The following ZNF277 variants were observed in gnomAD, a reference collection of about 807,000 sequenced individuals.
ZNF277 encodes the protein zinc finger protein 277.
Under a neutral mutation model 60.7 loss-of-function variants are expected in ZNF277, and 55 were observed. That is an observed-to-expected ratio of 0.91 (90% CI 0.73 to 1.13). The LOEUF is 1.13. Among genes scored for constraint, ZNF277 ranks in the 50% most tolerant of loss-of-function variants. The pLI is 0.00. For missense variants in ZNF277, 510 were observed against 523.0 expected, an observed-to-expected ratio of 0.98 and a Z score of 0.24; for synonymous variants, 178 against 179.3, an observed-to-expected ratio of 0.99 and a Z score of 0.06.
At chr7:112,262,185 A>G (rs1044182805) in intron 1 of ZNF277, among the ~76,000 whole-genome samples, 2 of 150,686 alleles carry the variant, frequency 1.3e-5, no homozygotes, top group Non-Finnish European at 3.0e-5. Flanking sequence ...CGCAGCCTCA[A>G]TAGATTTCGT....
intron 4 of ZNF277, among the ~76,000 whole-genome samples, chr7:112,317,681 AG>A (rs921052955): frequency 2.0e-5 from 3 of 152,132 alleles, no homozygotes; most frequent in African/African-American, 7.2e-5. Flanking sequence ...ATGTTAGAAA[AG>A]GGATTGAAAT....
chr7:112,243,581 A>G (rs1344600089), intron 1 of ZNF277, among the ~76,000 whole-genome samples: 2 of 151,926 alleles, frequency 1.3e-5, no homozygotes, highest in Non-Finnish European at 2.9e-5. Context: ...GAAAAAAAAA[A>G]TGTTCTCTAA....
intron 4 of ZNF277, among the ~76,000 whole-genome samples, chr7:112,306,374 C>A (rs1792592194): frequency 1.3e-5 from 2 of 151,918 alleles, no homozygotes; most frequent in African/African-American, 2.4e-5. Flanking sequence ...ACCACCATGC[C>A]CAGCTGCTTT....
chr7:112,253,889 A>G (rs2117013342), intron 1 of ZNF277, among the ~76,000 whole-genome samples: 1 of 152,276 alleles, frequency 6.6e-6, no homozygotes, highest in South Asian at 2.1e-4. Context: ...GAAATGCTAA[A>G]GTTCTTTTAT....
At chr7:112,218,008 C>A (rs925322885) in intron 1 of ZNF277, among the ~76,000 whole-genome samples, 3 of 152,066 alleles carry the variant, frequency 2.0e-5, no homozygotes, top group Non-Finnish European at 4.4e-5. Context: ...TTTCTGATTC[C>A]CTATCCACCA....
At chr7:112,258,903 A>G (rs1791383046) in intron 1 of ZNF277, among the ~76,000 whole-genome samples, 1 of 148,664 alleles carries the variant, frequency 6.7e-6, no homozygotes, top group South Asian at 2.1e-4. Context: ...AAAACAAAAC[A>G]TATCTTCATA....
chr7:112,313,617 G>A (rs1470922007), intron 4 of ZNF277, among the ~76,000 whole-genome samples: 2 of 152,002 alleles, frequency 1.3e-5, no homozygotes, highest in African/African-American at 4.8e-5. Context: ...AAAATTGTCT[G>A]TTGTAAGTTT....
rs77914325 is a variant in ZNF277 at position 112,231,435 on chromosome 7, A to G, written c.91+24628A>G. Among the ~76,000 whole-genome samples, 7 of 152,246 alleles carry G rather than the reference A, an allele frequency of 4.6e-5. No individual in the cohort carries two copies. The East Asian group carries it at 1.4e-3, about 29-fold the overall frequency. ...CTGTGCAACTGATAAATCCAAGGTC[A>G]CCCTTATCAAAATTTTGGAGATACT... is the stretch of plus-strand genomic sequence containing the variant. On this transcript the variant is annotated intron_variant, in intron 1 of 11. Transcript: ENST00000361822.
intron 1 of ZNF277, among the ~76,000 whole-genome samples, chr7:112,210,723 C>T (rs1374732674): frequency 2.6e-5 from 4 of 152,104 alleles, no homozygotes; most frequent in Admixed American, 6.5e-5. Context: ...CCACCCTCCT[C>T]GGCCTCCCAA....
chr7:112,332,983 AAC>A (rs934323898), intron 7 of ZNF277, among the ~76,000 whole-genome samples: 3 of 152,174 alleles, frequency 2.0e-5, no homozygotes, highest in African/African-American at 7.2e-5. Context: ...CCCAAATACT[AAC>A]AGAGTATAGG....
chr7:112,246,371 C>T (rs1286632519), intron 1 of ZNF277, among the ~76,000 whole-genome samples: 1 of 152,002 alleles, frequency 6.6e-6, no homozygotes, highest in Non-Finnish European at 1.5e-5. Context: ...TCCAGCCTCG[C>T]GACAGAGCAA....
chr7:112,248,804 A>G (rs1325314188), intron 1 of ZNF277, among the ~76,000 whole-genome samples: 1 of 152,056 alleles, frequency 6.6e-6, no homozygotes, highest in Non-Finnish European at 1.5e-5. Flanking sequence ...GATAGTCATC[A>G]TTTTTGGTGA....
rs1791795636 is a variant in ZNF277, at chr7:112,276,458, A to G, written c.92-10415A>G. Among the ~76,000 whole-genome samples, 2 of 152,336 alleles carry G rather than the reference A, an allele frequency of 1.3e-5. 1 individual carries two copies. The highest frequency in any genetic ancestry group is 1.3e-4 in the Admixed American group (2 of 15,304). Reference sequence around the variant, plus strand: ...CCTAAAACAGAGTTTTCTTTATAGAATGAGAATGTAAAAATAAAAATTTGG... The same window carrying G: ...CCTAAAACAGAGTTTTCTTTATAGAGTGAGAATGTAAAAATAAAAATTTGG... On this transcript the variant is annotated intron_variant, in intron 1 of 11. Coordinates refer to ENST00000361822, the MANE Select transcript of ZNF277 (RefSeq NM_021994.3).
intron 1 of ZNF277, among the ~76,000 whole-genome samples, chr7:112,249,662 C>T (rs564683166): frequency 7.2e-5 from 11 of 152,218 alleles, no homozygotes; most frequent in East Asian, 1.9e-4. Context: ...GGCAGAAGAA[C>T]GTAGATTGTG....
rs67934905 is a variant in ZNF277 at position 112,232,042 on chromosome 7, CATATATATATATATAT to C, written c.91+25262_91+25277del. 3.9e-3 allele frequency among the ~76,000 whole-genome samples: 524 copies of C among 133,246 alleles called. 3 individuals are homozygous for C. The highest frequency in any genetic ancestry group is 7.4e-3 in the East Asian group (35 of 4,728). 87.4% of individuals were successfully genotyped at this position (133,246 alleles called of 152,430 possible). A position where few individuals can be genotyped will look rare whatever the true frequency, so the allele number is the denominator to read the frequency against. On this transcript the variant is annotated intron_variant, in intron 1 of 11. Coordinates refer to ENST00000361822, the MANE Select transcript of ZNF277 (RefSeq NM_021994.3). ...GAACTGCCCCTAAAATAAATAAATACATATATATATATATATATATATATATATATATATATATATA... is the reference window on the plus strand; with the variant it reads ...GAACTGCCCCTAAAATAAATAAATACATATATATATATATATATATATATA...
chr7:112,336,434 C>T (rs1793336450), intron 8 of ZNF277, among the ~76,000 whole-genome samples: 1 of 152,022 alleles, frequency 6.6e-6, no homozygotes, highest in African/African-American at 2.4e-5. Context: ...AAATACATTC[C>T]GAAGTGCTTT....
At chr7:112,244,708 A>G (rs922223375) in intron 1 of ZNF277, among the ~76,000 whole-genome samples, 1 of 152,120 alleles carries the variant, frequency 6.6e-6, no homozygotes, top group Non-Finnish European at 1.5e-5. Flanking sequence ...ATACTTGAAG[A>G]CTTCTGTTTA....
chr7:112,295,958 G>A lies in ZNF277; in HGVS notation c.382+1G>A. The stretch of plus-strand genomic sequence containing the variant: ...AGAATTAATTCCACTGCTCCATTTG[G>A]TAAGTGTACATCTTGGCTACCATCT... On this transcript the variant is annotated splice_donor_variant, in intron 3 of 11. Coordinates refer to ENST00000361822, the MANE Select transcript of ZNF277 (RefSeq NM_021994.3). LOFTEE classifies it high-confidence loss of function. 6.2e-7 allele frequency: 1 copy of A among 1,604,690 alleles called. No individual in the cohort carries two copies. The highest frequency in any genetic ancestry group is 1.1e-5 in the South Asian group (1 of 90,822).
intron 2 of ZNF277, 91 bp downstream of exon 2, chr7:112,287,165 G>A: frequency 8.8e-6 from 12 of 1,362,910 alleles, no homozygotes; most frequent in Admixed American, 1.8e-5. Context: ...GGCCAAAGTG[G>A]GAGGATCACC....
Sources: gnomAD v4.1 joint callset for allele counts (sites outside exome capture counted in the v4.1 genomes callset) on GRCh38, gnomAD v4.1.1 for gene constraint, MANE v1.5 for transcripts, NCBI Gene and HGNC (gene_info 2026-07-23, HGNC 2026-07-21) for gene names.